The following CD209 variants were observed in gnomAD, a reference collection of about 807,000 sequenced individuals.
The protein encoded by CD209 is CD209 molecule, also known as CD209 antigen.
Under a neutral mutation model 44.7 loss-of-function variants are expected in CD209, and 31 were observed. The ratio of observed to expected loss-of-function variants is 0.69; its 90% CI spans 0.52 to 0.94. CD209 has a LOEUF of 0.94. Ranked by LOEUF, CD209 falls within the 40% of genes least tolerant of loss-of-function variation. The pLI is 0.00. For missense variants in CD209, 407 were observed against 452.4 expected (o/e 0.90, Z 0.91); for synonymous variants, 173 against 181.3 (o/e 0.95, Z 0.37).
Position 7,741,150 on chromosome 19 carries a change from CTG to C in CD209, c.*1887_*1888del. On this transcript the variant is annotated 3_prime_UTR_variant, in exon 7 of 7. Transcript: ENST00000315599. ...AAACCTACCAACAGTTCCTAGATTT[CTG>C]TGAGGATGTGCTGCCCGAGTTCAAG... 2 of 1,066,946 alleles carry C rather than the reference CTG, an allele frequency of 1.9e-6. No individual in the cohort carries two copies. Among genetic ancestry groups the C allele is most frequent in the Non-Finnish European group, 1.4e-6 (1 of 734,846 alleles). 66.1% of individuals were successfully genotyped at this position (1,066,946 alleles called of 1,614,324 possible).
At chr19:7,743,332 C>T in intron 6 of CD209, 92 bp from the exon 7 acceptor site, 1 of 1,101,196 alleles carries the variant, frequency 9.1e-7, no homozygotes, top group Non-Finnish European at 1.4e-6. Flanking sequence ...TTAACATCTG[C>T]CCTGCGTGTG....
chr19:7,746,092 G>A lies in CD209; in HGVS notation c.179-5C>T, dbSNP rs766870945. The stretch of plus-strand genomic sequence containing the variant: ...TGGAGCTGGGGACCTTGGACACTGG[G>A]CCAAGAAAAAAAAGGAACTGCAATT... On this transcript the variant is annotated splice_polypyrimidine_tract_variant and splice_region_variant and intron_variant, in intron 3 of 6. Coordinates refer to ENST00000315599, the MANE Select transcript of CD209 (RefSeq NM_021155.4). 2.9e-5 allele frequency: 46 copies of A among 1,611,992 alleles called. No homozygotes were observed. The highest frequency in any genetic ancestry group is 2.2e-4 in the South Asian group (20 of 90,930).
chr19:7,744,736 G>GTT (rs1241438442), intron 5 of CD209, among the ~76,000 whole-genome samples: 1 of 152,206 alleles, frequency 6.6e-6, no homozygotes, highest in Non-Finnish European at 1.5e-5. Flanking sequence ...TACATTTGAT[G>GTT]TTTTTTTCCG....
Position 7,742,894 on chromosome 19 carries a change from G to T in CD209, c.*145C>A. On this transcript the variant is annotated 3_prime_UTR_variant, in exon 7 of 7. Transcript: ENST00000315599. The stretch of plus-strand genomic sequence containing the variant: ...GCCAGAAAAACAAGCTCTACACCAG[G>T]GGAAATTGGAGGCATGACAAGAAGG... 1.4e-6 allele frequency: 1 copy of T among 697,398 alleles called. No homozygotes were observed. The allele number at this position is 697,398 out of a possible 1,614,324, so 43.2% of individuals were successfully genotyped here.
chr19:7,740,880 GA>G lies in CD209; in HGVS notation c.*2158del. The stretch of plus-strand genomic sequence containing the variant: ...GCTGGATCAGGCTGAAAATGAGTTG[GA>G]AAATGGCGCCACATGGCAAAACCCG... On this transcript the variant is annotated 3_prime_UTR_variant, in exon 7 of 7. Coordinates refer to ENST00000315599, the MANE Select transcript of CD209 (RefSeq NM_021155.4). 2 of 737,288 alleles carry G rather than the reference GA, an allele frequency of 2.7e-6. No individual in the cohort carries two copies. Among genetic ancestry groups the G allele is most frequent in the South Asian group, 1.5e-5 (1 of 68,016 alleles). The allele number at this position is 737,288 out of a possible 1,614,324, so 45.7% of individuals were successfully genotyped here.
At chr19:7,746,581 G>A in intron 2 of CD209, 50 bp from the exon 3 acceptor site, 1 of 1,585,514 alleles carries the variant, frequency 6.3e-7, no homozygotes, top group South Asian at 1.1e-5. Context: ...CCGGAGCCTG[G>A]CCCAGGGAGA....
intron 6 of CD209, among the ~76,000 whole-genome samples, chr19:7,743,837 G>T (rs1185242133): frequency 3.3e-5 from 5 of 152,216 alleles, no homozygotes; most frequent in African/African-American, 9.6e-5. Flanking sequence ...TGAGCTGGTG[G>T]CCTTACTGGA....
Position 7,746,059 on chromosome 19 carries a change from C to T in CD209, c.207G>A (p.Gln69=), listed in dbSNP as rs1352867057. 1 of 1,614,250 alleles carries T rather than the reference C, an allele frequency of 6.2e-7. No individual in the cohort carries two copies. Among genetic ancestry groups the T allele is most frequent in the East Asian group, 2.2e-5 (1 of 44,892 alleles). ...AGATCGCGTCTTGCCTGGATTGTTC[C>T]TGACTTATGGAGCTGGGGACCTTGG... is the stretch of plus-strand genomic sequence containing the variant. ...QVSKVPSSIS[Q]EQSRQDAIYQ... Residue 69 remains glutamine, a synonymous_variant, in exon 4 of 7, where the codon CAG becomes CAA. Coordinates refer to ENST00000315599, the MANE Select transcript of CD209 (RefSeq NM_021155.4).
chr19:7,746,549 C>T lies in CD209; in HGVS notation c.107-18G>A, dbSNP rs779828040. 2.5e-5 allele frequency: 40 copies of T among 1,612,420 alleles called. No homozygotes were observed. Among genetic ancestry groups the T allele is most frequent in the South Asian group, 1.6e-4 (15 of 91,052 alleles). Reference sequence around the variant, plus strand: ...AAGACACCCTGAGAGAGGATACATGCGTCAGCCTGCCAGTGTCCCCACCGG... The same window carrying T: ...AAGACACCCTGAGAGAGGATACATGTGTCAGCCTGCCAGTGTCCCCACCGG... On this transcript the variant is annotated intron_variant, in intron 2 of 6. Transcript: ENST00000315599.
rs556116854 is a variant in CD209 at position 7,741,357 on chromosome 19, T to A, written c.*1682A>T. The A allele has an allele frequency of 1.9e-5, 7 of 360,056 alleles. No homozygotes were observed. Among genetic ancestry groups the A allele is most frequent in the African/African-American group, 1.3e-4 (6 of 47,040 alleles). 22.3% of individuals were successfully genotyped at this position (360,056 alleles called of 1,614,324 possible). A position where few individuals can be genotyped will look rare whatever the true frequency, so the allele number is the denominator to read the frequency against. On this transcript the variant is annotated 3_prime_UTR_variant, in exon 7 of 7. Coordinates refer to ENST00000315599, the MANE Select transcript of CD209 (RefSeq NM_021155.4). ...CAGTGGTGCACGCCCAGCTAATTTT[T>A]GTACTTTTAGTGGAGTCCCAGCTAC... is the stretch of plus-strand genomic sequence containing the variant.
At position 7,745,966 on chromosome 19, in the gene CD209, G is replaced by A; in HGVS notation, c.300C>T (p.Ile100=). 6.2e-7 allele frequency: 1 copy of A among 1,614,244 alleles called. No individual in the cohort carries two copies. The highest frequency in any genetic ancestry group is 8.5e-7 in the Non-Finnish European group (1 of 1,180,038). ...ELSEKSKLQE[I]YQELTQLKAA... ...CCTTCAGCTGGGTCAGCTCCTGGTA[G>A]ATCTCCTGCAGCTTGGATTTCTCTG... Residue 100 remains isoleucine (I), a synonymous_variant, in exon 4 of 7, where the codon ATC becomes ATT. Coordinates refer to ENST00000315599, the MANE Select transcript of CD209 (RefSeq NM_021155.4).
rs1474075931 is a variant in CD209, at chr19:7,740,906, G to T, written c.*2133C>A. 4.1e-6 allele frequency: 3 copies of T among 733,892 alleles called. No individual in the cohort carries two copies. Among genetic ancestry groups the T allele is most frequent in the Non-Finnish European group, 7.5e-6 (3 of 400,082 alleles). 45.5% of individuals were successfully genotyped at this position (733,892 alleles called of 1,614,324 possible). A position where few individuals can be genotyped will look rare whatever the true frequency, so the allele number is the denominator to read the frequency against. On this transcript the variant is annotated 3_prime_UTR_variant, in exon 7 of 7. Transcript: ENST00000315599. Reference sequence around the variant, plus strand: ...AAAATGGCGCCACATGGCAAAACCCGGAACCCCCCCTTGGATTTCAGAGTC... The same window carrying T: ...AAAATGGCGCCACATGGCAAAACCCTGAACCCCCCCTTGGATTTCAGAGTC...
intron 3 of CD209, 46 bp downstream of exon 3, chr19:7,746,414 A>C (rs200412510): frequency 6.3e-7 from 1 of 1,595,782 alleles, no homozygotes; most frequent in Non-Finnish European, 8.6e-7. Context: ...GTCCACAGCC[A>C]AAAGCCAGGC....
chr19:7,744,303 G>A (rs1297466078), intron 5 of CD209, 84 bp from the exon 6 acceptor site: 6 of 1,045,084 alleles, frequency 5.7e-6, no homozygotes, highest in Non-Finnish European at 5.9e-6. Flanking sequence ...AGGAAGTTCT[G>A]CTTGTAGGCT....
intron 3 of CD209, 96 bp downstream of exon 3, chr19:7,746,364 C>G: frequency 7.2e-7 from 1 of 1,383,536 alleles, no homozygotes; most frequent in Non-Finnish European, 1.0e-6. Context: ...TCTTGGCTCT[C>G]AGTCCCACCT....
rs769108504 is a variant in CD209, at chr19:7,745,110, T to C, written c.749-18A>G. The C allele has an allele frequency of 1.4e-5, 22 of 1,614,042 alleles. No individual in the cohort carries two copies. In the Admixed American group the frequency reaches 3.7e-4, roughly 27 times the overall value. On this transcript the variant is annotated intron_variant, in intron 4 of 6. Coordinates refer to ENST00000315599, the MANE Select transcript of CD209 (RefSeq NM_021155.4). Reference sequence around the variant, plus strand: ...CAGGCGTTCTGTTGGGGGAGGCTGGTCAGGGCTGGGCTTAGATTAGGTTGT... The same window carrying C: ...CAGGCGTTCTGTTGGGGGAGGCTGGCCAGGGCTGGGCTTAGATTAGGTTGT...
Position 7,742,057 on chromosome 19 carries a change from G to A in CD209, c.*982C>T, listed in dbSNP as rs1003743319. ...AGAACGGCCGGAGCCGTCACAGCCG[G>A]AGCCAAAGCTCCTCTAGATCCCAAA... On this transcript the variant is annotated 3_prime_UTR_variant, in exon 7 of 7. Transcript: ENST00000315599. 2 of 294,420 alleles carry A rather than the reference G, an allele frequency of 6.8e-6. No individual in the cohort carries two copies. The highest frequency in any genetic ancestry group is 4.0e-5 in the South Asian group (1 of 24,756). 18.2% of individuals were successfully genotyped at this position (294,420 alleles called of 1,614,324 possible).
At chr19:7,746,118 A>T in intron 3 of CD209, 31 bp from the exon 4 acceptor site, 3 of 1,612,734 alleles carry the variant, frequency 1.9e-6, no homozygotes, top group Non-Finnish European at 2.5e-6. Flanking sequence ...AACTGCAATT[A>T]TTAAACACCT....
In CD209 at chr19:7,742,778, T is replaced by A; in HGVS notation, c.*261A>T. ...ACACATGGCAACCCAAATATCCTAA[T>A]CTCCAAAAGGAAGAGAGAGTGGATT... On this transcript the variant is annotated 3_prime_UTR_variant, in exon 7 of 7. Transcript: ENST00000315599. The A allele has an allele frequency of 1.8e-6, 1 of 544,492 alleles. No homozygotes were observed. The allele number at this position is 544,492 out of a possible 1,614,324, so 33.7% of individuals were successfully genotyped here. A position where few individuals can be genotyped will look rare whatever the true frequency, so the allele number is the denominator to read the frequency against.
Sources: gnomAD v4.1 joint callset for allele counts (sites outside exome capture counted in the v4.1 genomes callset) on GRCh38, gnomAD v4.1.1 for gene constraint, MANE v1.5 for transcripts, NCBI Gene and HGNC (gene_info 2026-07-23, HGNC 2026-07-21) for gene names.